ADAMTS9: variants seen among roughly 807,000 people sequenced by gnomAD.
ADAMTS9 encodes ADAM metallopeptidase with thrombospondin type 1 motif 9.
A neutral mutation model predicts 257.1 loss-of-function variants in ADAMTS9; 107 were observed. The ratio of observed to expected loss-of-function variants is 0.42; its 90% CI spans 0.36 to 0.49. ADAMTS9 has a LOEUF of 0.49. ADAMTS9 is among the 20% of genes least tolerant of loss of function. ADAMTS9 has a pLI of 0.03. For synonymous variants in ADAMTS9, 982 were observed against 880.9 expected, an observed-to-expected ratio of 1.11 and a Z score of -2.03; for missense variants, 2,353 against 2,469.1, an observed-to-expected ratio of 0.95 and a Z score of 1.00.
chr3:64,649,719 A>G lies in ADAMTS9; in HGVS notation c.1523T>C (p.Val508Ala), dbSNP rs2106943214. The change falls in exon 10 of 40, where the codon GTC becomes GCC. Residue 508 changes from valine to alanine, a missense_variant. Physicochemically the swap from Val to Ala is moderately conservative, Grantham distance 64 (BLOSUM62 0). Transcript: ENST00000498707. ...GTTGTAAAGGATGCCTGGCAGTTGG[A>G]CAGGCAAAGGGTAGGGTCTGGATTC... The part of the protein sequence containing the change: ...EPESRPYPLP[V>A]QLPGILYNVN... 6.2e-7 allele frequency: 1 copy of G among 1,614,074 alleles called. No homozygotes were observed. Among genetic ancestry groups the G allele is most frequent in the South Asian group, 1.1e-5 (1 of 91,060 alleles).
intron 28 of ADAMTS9, among the ~76,000 whole-genome samples, chr3:64,580,257 A>C (rs184546036): frequency 6.6e-6 from 1 of 152,188 alleles, no homozygotes; most frequent in Non-Finnish European, 1.5e-5. Flanking sequence ...GTTCCAAAAC[A>C]ATGTGTCTCA....
intron 39 of ADAMTS9, among the ~76,000 whole-genome samples, chr3:64,518,750 A>ATCAT (rs1176333941): frequency 1.5e-5 from 2 of 134,874 alleles, no homozygotes; most frequent in African/African-American, 2.8e-5. Flanking sequence ...GAGGGAATTT[A>ATCAT]TCATTACCTT....
intron 39 of ADAMTS9, among the ~76,000 whole-genome samples, chr3:64,519,382 G>A (rs777572229): frequency 6.6e-5 from 10 of 152,066 alleles, no homozygotes; most frequent in Non-Finnish European, 1.2e-4. Flanking sequence ...CAAAGAGCTG[G>A]TACCAATCCT....
intron 27 of ADAMTS9, 27 bp downstream of exon 27, chr3:64,596,803 A>G (rs1329955606): frequency 6.2e-7 from 1 of 1,613,258 alleles, no homozygotes; most frequent in Non-Finnish European, 8.5e-7. Context: ...ATTCCTCTGT[A>G]TTTATAGACG....
intron 18 of ADAMTS9, 113 bp from the exon 19 acceptor site, chr3:64,621,353 G>T: frequency 8.0e-7 from 1 of 1,249,736 alleles, no homozygotes; most frequent in East Asian, 2.6e-5. Context: ...AATATCTTCA[G>T]AGCGTATGAT....
intron 30 of ADAMTS9, among the ~76,000 whole-genome samples, chr3:64,557,333 G>A (rs2083352480): frequency 6.6e-6 from 1 of 152,142 alleles, no homozygotes; most frequent in African/African-American, 2.4e-5. Flanking sequence ...TGACCAGAAG[G>A]ACCTCTGCTG....
At position 64,600,042 on chromosome 3, in the gene ADAMTS9, G is replaced by C. The variant is rs899142576; in HGVS notation, c.4017+1902C>G. 5.9e-4 allele frequency among the ~76,000 whole-genome samples: 67 copies of C among 113,526 alleles called. 1 individual carries two copies. Among genetic ancestry groups the C allele is most frequent in the Non-Finnish European group, 9.2e-4 (50 of 54,350 alleles). 74.5% of individuals were successfully genotyped at this position (113,526 alleles called of 152,430 possible). Reference sequence around the variant, plus strand: ...GTTTGTTTTTCTTTCACTTGAGTCAGTTTCTGTTCTTTTTTTTTTTTTTTT... The same window carrying C: ...GTTTGTTTTTCTTTCACTTGAGTCACTTTCTGTTCTTTTTTTTTTTTTTTT... On this transcript the variant is annotated intron_variant, in intron 26 of 39. Coordinates refer to ENST00000498707, the MANE Select transcript of ADAMTS9 (RefSeq NM_182920.2).
intron 32 of ADAMTS9, among the ~76,000 whole-genome samples, chr3:64,542,386 A>G (rs547546893): frequency 1.3e-5 from 2 of 149,310 alleles, no homozygotes; most frequent in South Asian, 4.3e-4. Context: ...ACTGCTTCCA[A>G]GTCGTTATAC....
At chr3:64,636,790 C>G (rs1700510742) in intron 12 of ADAMTS9, among the ~76,000 whole-genome samples, 1 of 152,156 alleles carries the variant, frequency 6.6e-6, no homozygotes, top group Non-Finnish European at 1.5e-5. Flanking sequence ...CTGTTTGTTT[C>G]TTCGTATATC....
At chr3:64,679,732 A>G (rs1701706853) in intron 3 of ADAMTS9, among the ~76,000 whole-genome samples, 1 of 152,176 alleles carries the variant, frequency 6.6e-6, no homozygotes, top group Admixed American at 6.5e-5. Flanking sequence ...TGTTATGTTT[A>G]CATTTATACA....
Position 64,641,918 on chromosome 3 carries a change from G to A in ADAMTS9, c.1786C>T (p.Pro596Ser). 6.2e-7 allele frequency: 1 copy of A among 1,614,078 alleles called. No homozygotes were observed. Among genetic ancestry groups the A allele is most frequent in the Non-Finnish European group, 8.5e-7 (1 of 1,180,002 alleles). ...VTDGSWGSWS[P>S]FGTCSRTCGG... ...CATGTTCTGGAGCAGGTTCCAAAGG[G>A]ACTCCAACTTCCCCAGGATCCATCT... is the stretch of plus-strand genomic sequence containing the variant. Residue 596 changes from proline (P) to serine (S), a missense_variant, in exon 12 of 40, where the codon CCC becomes TCC. By Grantham distance (74) the Pro-to-Ser change is moderately conservative (BLOSUM62 -1). Transcript: ENST00000498707.
intron 16 of ADAMTS9, among the ~76,000 whole-genome samples, chr3:64,624,983 TGG>T (rs1700192672): frequency 6.6e-6 from 1 of 152,168 alleles, no homozygotes; most frequent in African/African-American, 2.4e-5. Context: ...ATTAAAAATT[TGG>T]GCTCTGAACA....
At chr3:64,638,220 T>C (rs2106911025) in intron 12 of ADAMTS9, among the ~76,000 whole-genome samples, 1 of 152,332 alleles carries the variant, frequency 6.6e-6, no homozygotes, top group African/African-American at 2.4e-5. Context: ...CCTAAGGAAC[T>C]GACACGATTT....
chr3:64,557,036 G>A (rs758314989), intron 30 of ADAMTS9, among the ~76,000 whole-genome samples: 5 of 152,164 alleles, frequency 3.3e-5, no homozygotes, highest in Non-Finnish European at 7.4e-5. Context: ...CCAGAGTACA[G>A]TAATCTGCGT....
intron 38 of ADAMTS9, among the ~76,000 whole-genome samples, chr3:64,529,330 C>G (rs77512286): frequency 0.01 from 1,524 of 152,246 alleles, 55 homozygotes; most frequent in East Asian, 0.077. Context: ...TACTGGAGAT[C>G]TAGTTTTACC....
chr3:64,629,516 C>T (rs942050884), intron 16 of ADAMTS9, among the ~76,000 whole-genome samples: 4 of 152,184 alleles, frequency 2.6e-5, no homozygotes, highest in Admixed American at 2.0e-4. Flanking sequence ...GAATGCTCTT[C>T]CCCTAAATAG....
At chr3:64,521,476 A>G (rs999097136) in intron 39 of ADAMTS9, 6 of 152,226 alleles carry the variant, frequency 3.9e-5, no homozygotes, top group African/African-American at 1.4e-4. Flanking sequence ...ATTCAACCAA[A>G]AAGACACCTG....
chr3:64,681,766 T>C (rs1249324109), intron 2 of ADAMTS9, among the ~76,000 whole-genome samples: 1 of 152,104 alleles, frequency 6.6e-6, no homozygotes, highest in African/African-American at 2.4e-5. Flanking sequence ...GCTCAATATG[T>C]TGCCTGGCTC....
At chr3:64,552,224 T>C (rs2083279652) in intron 30 of ADAMTS9, among the ~76,000 whole-genome samples, 1 of 152,228 alleles carries the variant, frequency 6.6e-6, no homozygotes, top group Non-Finnish European at 1.5e-5. Context: ...TTTATTCCCA[T>C]AAGCCAAGGG....
Sources: gnomAD v4.1 joint callset for allele counts (sites outside exome capture counted in the v4.1 genomes callset) on GRCh38, gnomAD v4.1.1 for gene constraint, MANE v1.5 for transcripts, NCBI Gene and HGNC (gene_info 2026-07-23, HGNC 2026-07-21) for gene names.